Variants in IQGAP2 observed in about 807,000 individuals in gnomAD.
The protein encoded by IQGAP2 is ras GTPase-activating-like protein IQGAP2.
A neutral mutation model predicts 201.3 loss-of-function variants in IQGAP2; 173 were observed. The ratio of observed to expected loss-of-function variants is 0.86; its 90% CI spans 0.76 to 0.98. IQGAP2 has a LOEUF of 0.98. IQGAP2 is among the 50% of genes least tolerant of loss of function. The probability of loss-of-function intolerance (pLI) is 0.00; values close to 1 mark genes in which losing one functional copy is unlikely to be tolerated. For synonymous variants in IQGAP2, 675 were observed against 673.9 expected (o/e 1.00, Z -0.03); for missense variants, 1,687 against 1,864.8 (o/e 0.90, Z 1.76).
chr5:76,590,669 AC>A, intron 8 of IQGAP2, 83 bp downstream of exon 8: 1 of 1,053,122 alleles, frequency 9.5e-7, no homozygotes, highest in Admixed American at 2.7e-5. Flanking sequence ...TGAAAGCAAT[AC>A]TTTTAAATCA....
intron 2 of IQGAP2, among the ~76,000 whole-genome samples, chr5:76,476,392 T>C (rs1755430475): frequency 6.6e-6 from 1 of 152,130 alleles, no homozygotes; most frequent in African/African-American, 2.4e-5. Context: ...GTGATGACTA[T>C]CCTCTCTTTG....
rs898447736 is a variant in IQGAP2 at position 76,618,744 on chromosome 5, C to T, written c.1521+7561C>T. On this transcript the variant is annotated intron_variant, in intron 13 of 35. Transcript: ENST00000274364. ...TTTCTGTGATTGTAGAATTTAAGAT[C>T]ATTTTTATTTTAAAAAGTTATTGTA... 23 of 1,055,390 alleles carry T rather than the reference C, an allele frequency of 2.2e-5. 1 individual carries two copies. The highest frequency in any genetic ancestry group is 4.7e-4 in the Middle Eastern group (2 of 4,258). 65.4% of individuals were successfully genotyped at this position (1,055,390 alleles called of 1,614,324 possible). A position where few individuals can be genotyped will look rare whatever the true frequency, so the allele number is the denominator to read the frequency against.
chr5:76,477,831 T>C (rs1252894845), intron 2 of IQGAP2, among the ~76,000 whole-genome samples: 1 of 151,850 alleles, frequency 6.6e-6, no homozygotes, highest in Non-Finnish European at 1.5e-5. Context: ...ATCTTGCTAA[T>C]ATGTGTGTTT....
chr5:76,557,703 T>C (rs1744045084), intron 2 of IQGAP2, among the ~76,000 whole-genome samples: 1 of 152,228 alleles, frequency 6.6e-6, no homozygotes, highest in African/African-American at 2.4e-5. Flanking sequence ...AGAAATGGCC[T>C]TTGCCTTTGA....
intron 1 of IQGAP2, among the ~76,000 whole-genome samples, chr5:76,461,179 T>G (rs1053199401): frequency 2.6e-5 from 4 of 151,844 alleles, no homozygotes; most frequent in East Asian, 3.9e-4. Flanking sequence ...CACCTGGCCT[T>G]GATTCACTTG....
chr5:76,677,620 C>T (rs17568237), intron 28 of IQGAP2: 13,961 of 268,346 alleles, frequency 0.052, 615 homozygotes, highest in Admixed American at 0.17. Context: ...GTACTTTTGG[C>T]ATAATCCATT....
chr5:76,676,629 T>G (rs1744846213), intron 27 of IQGAP2, among the ~76,000 whole-genome samples: 1 of 152,238 alleles, frequency 6.6e-6, no homozygotes, highest in Non-Finnish European at 1.5e-5. Flanking sequence ...AATAGACTTT[T>G]TAGGGTCTGA....
In IQGAP2 at chr5:76,420,643, G is replaced by A. The variant is rs191044681; in HGVS notation, c.46+17052G>A. The stretch of plus-strand genomic sequence containing the variant: ...GCCCACCTTGGCCTCCCAAAGGGCT[G>A]GGATTACAGGCGTGAGCCACCGTGC... On this transcript the variant is annotated intron_variant, in intron 1 of 35. Transcript: ENST00000274364. Among the ~76,000 whole-genome samples, 3 of 152,288 alleles carry A rather than the reference G, an allele frequency of 2.0e-5. No individual in the cohort carries two copies. The East Asian group carries it at 5.8e-4, about 29-fold the overall frequency.
chr5:76,614,139 A>C (rs969292790), intron 13 of IQGAP2, among the ~76,000 whole-genome samples: 2 of 152,106 alleles, frequency 1.3e-5, no homozygotes, highest in Non-Finnish European at 2.9e-5. Flanking sequence ...CCACAAACCC[A>C]AGGCCTTTCA....
intron 1 of IQGAP2, among the ~76,000 whole-genome samples, chr5:76,449,231 G>A (rs562523781): frequency 3.2e-3 from 482 of 152,254 alleles, no homozygotes; most frequent in African/African-American, 0.011. Context: ...GATGTGTTTT[G>A]CACCTAACTT....
chr5:76,518,767 T>G (rs544016735), intron 2 of IQGAP2, among the ~76,000 whole-genome samples: 11 of 152,280 alleles, frequency 7.2e-5, no homozygotes, highest in Admixed American at 5.9e-4. Context: ...TTTCATCTGA[T>G]TCCTAGTTTT....
intron 1 of IQGAP2, among the ~76,000 whole-genome samples, chr5:76,452,555 T>C (rs561326559): frequency 1.3e-5 from 2 of 152,304 alleles, no homozygotes; most frequent in Admixed American, 6.5e-5. Flanking sequence ...TAATTTTACT[T>C]TTTATACTTT....
intron 2 of IQGAP2, among the ~76,000 whole-genome samples, chr5:76,560,915 A>C (rs1181818424): frequency 6.6e-6 from 1 of 152,260 alleles, no homozygotes; most frequent in East Asian, 1.9e-4. Context: ...ACCTATGCTC[A>C]GGTTTAATTT....
intron 1 of IQGAP2, among the ~76,000 whole-genome samples, chr5:76,404,821 C>G (rs1193972976): frequency 6.6e-6 from 1 of 151,252 alleles, no homozygotes; most frequent in Non-Finnish European, 1.5e-5. Flanking sequence ...ACCACACAGA[C>G]AGCAGAGCCT....
At chr5:76,546,290 G>A (rs2150226503) in intron 2 of IQGAP2, among the ~76,000 whole-genome samples, 1 of 152,228 alleles carries the variant, frequency 6.6e-6, no homozygotes, top group East Asian at 1.9e-4. Flanking sequence ...ACAAAAATTG[G>A]TCAGGTGTGG....
rs149883115 is a variant in IQGAP2 at position 76,666,726 on chromosome 5, C to T, written c.2679+1551C>T. Among the ~76,000 whole-genome samples the T allele has an allele frequency of 2.1e-4, 32 of 152,248 alleles. 1 individual carries two copies. The highest frequency in any genetic ancestry group is 3.4e-3 in the Middle Eastern group (1 of 294). Reference sequence around the variant, plus strand: ...GCAAATGGCCTGGATTCCTTCGACCCGTTGGTTACACTTTAGCAAGACTTC... The same window carrying T: ...GCAAATGGCCTGGATTCCTTCGACCTGTTGGTTACACTTTAGCAAGACTTC... On this transcript the variant is annotated intron_variant, in intron 22 of 35. Transcript: ENST00000274364.
At chr5:76,563,702 C>A (rs1298078642) in intron 3 of IQGAP2, among the ~76,000 whole-genome samples, 1 of 151,922 alleles carries the variant, frequency 6.6e-6, no homozygotes, top group Non-Finnish European at 1.5e-5. Flanking sequence ...TTCTTTGAAA[C>A]TTGATCTTTA....
At chr5:76,537,388 C>T (rs930256340) in intron 2 of IQGAP2, among the ~76,000 whole-genome samples, 3 of 152,094 alleles carry the variant, frequency 2.0e-5, no homozygotes, top group Non-Finnish European at 2.9e-5. Context: ...TCAGAGGGAC[C>T]CACAAGGCCA....
intron 2 of IQGAP2, among the ~76,000 whole-genome samples, chr5:76,509,093 G>A (rs71576998): frequency 7.0e-6 from 1 of 143,506 alleles, no homozygotes; most frequent in Non-Finnish European, 1.6e-5. Context: ...GCGTGTGTGT[G>A]TATATATATA....
Sources: gnomAD v4.1 joint callset for allele counts (sites outside exome capture counted in the v4.1 genomes callset) on GRCh38, gnomAD v4.1.1 for gene constraint, MANE v1.5 for transcripts, NCBI Gene and HGNC (gene_info 2026-07-23, HGNC 2026-07-21) for gene names.